Variants in CUX1 observed in about 807,000 individuals in gnomAD.
CUX1 encodes cut like homeobox 1.
In CUX1, 31 loss-of-function variants were observed where a neutral mutation model predicts 158.8. That is an observed-to-expected ratio of 0.20 (90% CI 0.15 to 0.26). The LOEUF (loss-of-function observed/expected upper bound fraction) is 0.26. Ranked by LOEUF, CUX1 falls within the 10% of genes least tolerant of loss-of-function variation. The pLI, the probability that CUX1 is intolerant of heterozygous loss-of-function variation, is 1.00. For missense variants in CUX1, 1,589 were observed against 2,014.6 expected, an observed-to-expected ratio of 0.79 and a Z score of 4.04; for synonymous variants, 879 against 862.1, an observed-to-expected ratio of 1.02 and a Z score of -0.34.
intron 14 of CUX1, chr7:102,264,904 C>T (rs2132757897): frequency 6.6e-6 from 1 of 152,480 alleles, no homozygotes; most frequent in South Asian, 2.1e-4. Flanking sequence ...GACACAATGA[C>T]CTGGCCAACA....
chr7:101,942,075 T>C (rs954064970), intron 2 of CUX1, among the ~76,000 whole-genome samples: 1 of 152,200 alleles, frequency 6.6e-6, no homozygotes, highest in African/African-American at 2.4e-5. Flanking sequence ...TCTGTTCCAG[T>C]AGGTGGAGAA....
chr7:101,931,360 G>A (rs1489457669), intron 2 of CUX1, among the ~76,000 whole-genome samples: 1 of 152,182 alleles, frequency 6.6e-6, no homozygotes, highest in African/African-American at 2.4e-5. Context: ...CAGGGACACA[G>A]CCGTCGTAGC....
chr7:101,880,085 TA>T lies in CUX1; in HGVS notation c.31-36025del, dbSNP rs570923209. On this transcript the variant is annotated intron_variant, in intron 1 of 23. Transcript: ENST00000292535. Reference sequence around the variant, plus strand: ...CTACAGGAAAAGGCTGATTTTTTTTTAAAAAGGCTGTTTTTTTAAAAACAAC... The same window carrying T: ...CTACAGGAAAAGGCTGATTTTTTTTTAAAAGGCTGTTTTTTTAAAAACAAC... Among the ~76,000 whole-genome samples, 515 of 135,184 alleles carry T rather than the reference TA, an allele frequency of 3.8e-3. 11 individuals carry two copies. The highest frequency in any genetic ancestry group is 0.037 in the East Asian group (158 of 4,306). The allele number at this position is 135,184 out of a possible 152,430, so 88.7% of individuals were successfully genotyped here. A position where few individuals can be genotyped will look rare whatever the true frequency, so the allele number is the denominator to read the frequency against.
chr7:101,943,939 C>T (rs1219641396), intron 2 of CUX1, among the ~76,000 whole-genome samples: 2 of 143,138 alleles, frequency 1.4e-5, no homozygotes, highest in East Asian at 2.0e-4. Flanking sequence ...GGCAACATAG[C>T]GAGACCGCGT....
chr7:101,969,196 G>C (rs1490377634), intron 2 of CUX1, among the ~76,000 whole-genome samples: 1 of 151,562 alleles, frequency 6.6e-6, no homozygotes, highest in Non-Finnish European at 1.5e-5. Context: ...TTAGCTGAGC[G>C]TGGTGGCGCA....
chr7:101,887,843 A>T (rs6946381), intron 1 of CUX1, among the ~76,000 whole-genome samples: 4,343 of 76,720 alleles, frequency 0.057, 164 homozygotes, highest in African/African-American at 0.086. Context: ...TGACGGTGAC[A>T]TTTTTTTTTT....
intron 11 of CUX1, among the ~76,000 whole-genome samples, chr7:102,180,530 T>C (rs1792917219): frequency 6.6e-6 from 1 of 151,774 alleles, no homozygotes; most frequent in Admixed American, 6.6e-5. Flanking sequence ...TTCACTGTGT[T>C]CCCCAGGCTG....
intron 11 of CUX1, among the ~76,000 whole-genome samples, chr7:102,185,298 C>A (rs1248579232): frequency 1.3e-5 from 2 of 152,184 alleles, no homozygotes; most frequent in African/African-American, 4.8e-5. Flanking sequence ...TCTAAGTACC[C>A]AATATTTTTT....
chr7:101,825,808 C>T (rs989835552), intron 1 of CUX1, among the ~76,000 whole-genome samples: 24 of 141,464 alleles, frequency 1.7e-4, no homozygotes, highest in Admixed American at 6.2e-4. Context: ...TGCGCGCGCG[C>T]GCGCAGTTAG....
intron 1 of CUX1, among the ~76,000 whole-genome samples, chr7:101,860,814 C>CT (rs201332499): frequency 2.3e-5 from 3 of 129,648 alleles, no homozygotes; most frequent in Admixed American, 9.9e-5. Flanking sequence ...TCTCTCTTTC[C>CT]TTTTTTTAAA....
At chr7:102,135,440 G>A (rs1331009898) in intron 8 of CUX1, among the ~76,000 whole-genome samples, 4 of 151,944 alleles carry the variant, frequency 2.6e-5, no homozygotes, top group Non-Finnish European at 5.9e-5. Flanking sequence ...GGGTGACAGC[G>A]GAGGAGGACG....
chr7:101,827,295 T>TTCTCTTCTCTTCTCTTCTCTTCTCTTCTC (rs1562893412), intron 1 of CUX1, among the ~76,000 whole-genome samples: 7 of 46,864 alleles, frequency 1.5e-4, no homozygotes, highest in Admixed American at 9.5e-4. Context: ...CTTCTCTTCT[T>TTCTCTTCTCTTCTCTTCTCTTCTCTTCTC]TTCTTTTCTT....
chr7:101,938,293 C>G (rs534110709), intron 2 of CUX1, among the ~76,000 whole-genome samples: 23 of 152,050 alleles, frequency 1.5e-4, no homozygotes, highest in Admixed American at 9.8e-4. Flanking sequence ...TTTGCAGAGA[C>G]AGGGTCTCGC....
At chr7:102,282,962 C>A in intron 22 of CUX1, 3 of 1,240,786 alleles carry the variant, frequency 2.4e-6, no homozygotes, top group Non-Finnish European at 3.5e-6. Flanking sequence ...TCACATGGTA[C>A]ACACCCCCCT....
At chr7:101,901,108 C>G (rs1802094629) in intron 1 of CUX1, among the ~76,000 whole-genome samples, 1 of 152,022 alleles carries the variant, frequency 6.6e-6, no homozygotes, top group African/African-American at 2.4e-5. Context: ...GCTCAAGTTC[C>G]CATAACAAGA....
At position 102,239,576 on chromosome 7, in the gene CUX1, C is replaced by T; in HGVS notation, c.3879C>T (p.His1293=). 3 of 1,612,660 alleles carry T rather than the reference C, an allele frequency of 1.9e-6. No homozygotes were observed. The highest frequency in any genetic ancestry group is 2.2e-5 in the South Asian group (2 of 91,054). ...CCAGCACCGTCATCAACTGGTTCCA[C>T]AACTACAGGTACGACGGCTGGCTCA... The part of the protein sequence containing the change: ...LKTSTVINWF[H]NYRSRIRREL... Residue 1293 remains histidine, a synonymous_variant, in exon 23 of 24, where the codon CAC becomes CAT. Transcript: ENST00000292535.
At chr7:102,153,282 A>G (rs1326565288) in intron 8 of CUX1, 2 of 152,320 alleles carry the variant, frequency 1.3e-5, no homozygotes, top group African/African-American at 4.8e-5. Context: ...AGCCCTGCCA[A>G]GCCGGCCTCT....
chr7:101,916,243 C>G lies in CUX1; in HGVS notation c.141+18C>G. ...CTCCAGAGGTGAGGCGCGTGACCATCGTGTTCGCTTTGAAGGGATCTTAGA... is the reference window on the plus strand; with the variant it reads ...CTCCAGAGGTGAGGCGCGTGACCATGGTGTTCGCTTTGAAGGGATCTTAGA... On this transcript the variant is annotated intron_variant, in intron 2 of 23. Transcript: ENST00000292535. This position sits in a 1 kb window ranked among gnomAD's most constrained non-coding sequence, Gnocchi z 4.4. 1 of 1,496,382 alleles carries G rather than the reference C, an allele frequency of 6.7e-7. No individual in the cohort carries two copies. The highest frequency in any genetic ancestry group is 9.3e-7 in the Non-Finnish European group (1 of 1,073,050). The allele number at this position is 1,496,382 out of a possible 1,614,324, so 92.7% of individuals were successfully genotyped here.
downstream of CUX1, among the ~76,000 whole-genome samples, chr7:102,261,742 C>G (rs1563512622): frequency 6.6e-6 from 1 of 151,850 alleles, no homozygotes; most frequent in Non-Finnish European, 1.5e-5. Flanking sequence ...AGTCTTAAGT[C>G]GATGCTCAGG....
Sources: allele counts gnomAD v4.1 joint callset (sites outside exome capture counted in the v4.1 genomes callset), GRCh38; gene constraint gnomAD v4.1.1; non-coding constraint Gnocchi (gnomAD v3.1); transcripts MANE v1.5; gene names NCBI Gene and HGNC (gene_info 2026-07-23, HGNC 2026-07-21).